The following PPM1E variants were observed in gnomAD, a reference collection of about 807,000 sequenced individuals.
PPM1E encodes protein phosphatase 1E.
A neutral mutation model predicts 65.9 loss-of-function variants in PPM1E; 20 were observed. The ratio of observed to expected loss-of-function variants is 0.30; its 90% CI spans 0.21 to 0.44. PPM1E has a LOEUF of 0.44. Among genes scored for constraint, PPM1E ranks in the 20% least tolerant of loss-of-function variants. PPM1E has a pLI of 1.00. For missense variants in PPM1E, 713 were observed against 953.1 expected (o/e 0.75, Z 3.32); for synonymous variants, 352 against 374.9 (o/e 0.94, Z 0.70).
intron 1 of PPM1E, among the ~76,000 whole-genome samples, chr17:58,914,781 C>G (rs532090959): frequency 6.6e-6 from 1 of 152,210 alleles, no homozygotes; most frequent in Non-Finnish European, 1.5e-5. Flanking sequence ...GACATCTTTG[C>G]CCACTTTACA....
rs137882118 is a variant in PPM1E at position 58,928,748 on chromosome 17, G to A, written c.465-26901G>A. Among the ~76,000 whole-genome samples, 421 of 151,344 alleles carry A rather than the reference G, an allele frequency of 2.8e-3. 1 individual carries two copies. Among genetic ancestry groups the A allele is most frequent in the African/African-American group, 9.9e-3 (407 of 41,144 alleles). On this transcript the variant is annotated intron_variant, in intron 1 of 6. Coordinates refer to ENST00000308249, the MANE Select transcript of PPM1E (RefSeq NM_014906.5). ...ACAGAGTTTTGCTCTTGTTGCCCGG[G>A]CTGGAGTACAGTGACGCGATCTCAG... is the stretch of plus-strand genomic sequence containing the variant.
chr17:58,771,621 CA>C lies in PPM1E; in HGVS notation c.464+15170del, dbSNP rs1230565491. On this transcript the variant is annotated intron_variant, in intron 1 of 6. Coordinates refer to ENST00000308249, the MANE Select transcript of PPM1E (RefSeq NM_014906.5). ...CTGGCAACAGAGTGAGACTCCATCT[CA>C]AAAAAAAAAGAAAAAGAAGAAGATA... is the stretch of plus-strand genomic sequence containing the variant. Among the ~76,000 whole-genome samples, 18 of 114,972 alleles carry C rather than the reference CA, an allele frequency of 1.6e-4. 1 individual carries two copies. The highest frequency in any genetic ancestry group is 4.8e-4 in the East Asian group (2 of 4,186). The allele number at this position is 114,972 out of a possible 152,430, so 75.4% of individuals were successfully genotyped here.
intron 1 of PPM1E, among the ~76,000 whole-genome samples, chr17:58,860,339 G>A (rs1453898107): frequency 6.6e-6 from 1 of 152,200 alleles, no homozygotes; most frequent in Non-Finnish European, 1.5e-5. Flanking sequence ...GAGCTAGCCA[G>A]TAAATACACA....
chr17:58,835,640 G>A (rs1053481766), intron 1 of PPM1E, among the ~76,000 whole-genome samples: 5 of 151,390 alleles, frequency 3.3e-5, no homozygotes, highest in Admixed American at 6.6e-5. Flanking sequence ...GCAATATAGT[G>A]AGACCTCTAT....
chr17:58,973,787 C>T (rs951321229), intron 6 of PPM1E, among the ~76,000 whole-genome samples: 17 of 151,820 alleles, frequency 1.1e-4, no homozygotes, highest in Non-Finnish European at 2.1e-4. Context: ...CCCGTCTCTA[C>T]TAAAAATATA....
intron 1 of PPM1E, among the ~76,000 whole-genome samples, chr17:58,824,252 A>T (rs1345332455): frequency 6.6e-6 from 1 of 152,142 alleles, no homozygotes; most frequent in Non-Finnish European, 1.5e-5. Context: ...TTTTTTTCTC[A>T]TAGAAAAAAT....
intron 1 of PPM1E, among the ~76,000 whole-genome samples, chr17:58,780,288 T>C (rs1180527442): frequency 2.0e-5 from 3 of 152,142 alleles, no homozygotes; most frequent in African/African-American, 7.2e-5. Context: ...GCAGGTAGAT[T>C]GCTTGAGCCC....
chr17:58,766,203 T>G (rs560818579), intron 1 of PPM1E, among the ~76,000 whole-genome samples: 37 of 126,144 alleles, frequency 2.9e-4, no homozygotes, highest in East Asian at 2.5e-3. Flanking sequence ...TCTGTTTTTT[T>G]TTTTTTTTTT....
At chr17:58,775,783 G>A (rs946214761) in intron 1 of PPM1E, among the ~76,000 whole-genome samples, 3 of 150,096 alleles carry the variant, frequency 2.0e-5, no homozygotes, top group Admixed American at 6.7e-5. Context: ...GCGCGGTGGC[G>A]GGCGCCTGTA....
intron 1 of PPM1E, among the ~76,000 whole-genome samples, chr17:58,942,261 C>T (rs2052083064): frequency 6.6e-6 from 1 of 151,940 alleles, no homozygotes; most frequent in African/African-American, 2.4e-5. Flanking sequence ...TGGCTTGCAC[C>T]TGTAGTCGTA....
intron 1 of PPM1E, among the ~76,000 whole-genome samples, chr17:58,932,190 C>A (rs112788592): frequency 1.3e-5 from 2 of 152,084 alleles, no homozygotes; most frequent in East Asian, 3.9e-4. Flanking sequence ...GCAGGAGGGC[C>A]GTGCGCGGTG....
In PPM1E at chr17:58,980,117, G is replaced by A. The variant is rs2031273925; in HGVS notation, c.1354G>A (p.Asp452Asn). 3 of 1,614,088 alleles carry A rather than the reference G, an allele frequency of 1.9e-6. No homozygotes were observed. The highest frequency in any genetic ancestry group is 2.5e-6 in the Non-Finnish European group (3 of 1,180,006). The part of the protein sequence containing the change: ...NPDEAVKVVS[D>N]HLKENNGDSS... ...TGATGAGGCAGTGAAAGTTGTGTCC[G>A]ACCACCTGAAAGAGAATAATGGAGA... Residue 452 changes from aspartate (D) to asparagine (N), a missense_variant, in exon 7 of 7, where the codon GAC becomes AAC. By Grantham distance (23) the Asp-to-Asn change is conservative (BLOSUM62 1). This residue lies in a region of PPM1E where 88 missense variants were observed against 231.1 expected (regional missense o/e 0.38). Coordinates refer to ENST00000308249, the MANE Select transcript of PPM1E (RefSeq NM_014906.5). The surrounding 1 kb of genome is among the most constrained non-coding windows in gnomAD (Gnocchi z 4.7).
intron 1 of PPM1E, among the ~76,000 whole-genome samples, chr17:58,789,006 C>T (rs995844465): frequency 6.6e-6 from 1 of 152,174 alleles, no homozygotes; most frequent in African/African-American, 2.4e-5. Context: ...AGTTACACTG[C>T]CTTCAGATCC....
intron 1 of PPM1E, among the ~76,000 whole-genome samples, chr17:58,913,469 C>A (rs575018080): frequency 6.6e-6 from 1 of 152,158 alleles, no homozygotes; most frequent in Non-Finnish European, 1.5e-5. Flanking sequence ...ATGGGTTCTT[C>A]TTGCCCACTG....
intron 1 of PPM1E, among the ~76,000 whole-genome samples, chr17:58,788,619 G>A (rs1480770470): frequency 2.0e-5 from 3 of 152,148 alleles, no homozygotes; most frequent in Non-Finnish European, 2.9e-5. Context: ...TGTTCAATTT[G>A]TTTCTGCTCC....
intron 1 of PPM1E, among the ~76,000 whole-genome samples, chr17:58,890,929 T>A (rs2051336987): frequency 6.6e-6 from 1 of 152,186 alleles, no homozygotes; most frequent in Admixed American, 6.5e-5. Flanking sequence ...GTATTCTTAG[T>A]ACTTAACACA....
At chr17:58,921,806 C>G (rs1189420845) in intron 1 of PPM1E, among the ~76,000 whole-genome samples, 1 of 150,652 alleles carries the variant, frequency 6.6e-6, no homozygotes, top group African/African-American at 2.4e-5. Context: ...TTTGGGAGGC[C>G]GAGGTGGGTG....
intron 1 of PPM1E, among the ~76,000 whole-genome samples, chr17:58,849,838 G>C (rs935749026): frequency 5.9e-5 from 9 of 152,120 alleles, no homozygotes; most frequent in African/African-American, 2.2e-4. Flanking sequence ...GGATATCCTT[G>C]TTAATTTCCT....
chr17:58,897,144 G>A (rs560256872), intron 1 of PPM1E, among the ~76,000 whole-genome samples: 2 of 152,230 alleles, frequency 1.3e-5, no homozygotes, highest in South Asian at 4.1e-4. Context: ...GCCGGGCGCG[G>A]TGGCTCACGC....
Sources: gnomAD v4.1 joint callset for allele counts (sites outside exome capture counted in the v4.1 genomes callset) on GRCh38, gnomAD v4.1.1 for gene constraint, gnomAD v4.1.1 regional missense constraint, Gnocchi (gnomAD v3.1) non-coding constraint, MANE v1.5 for transcripts, NCBI Gene and HGNC (gene_info 2026-07-23, HGNC 2026-07-21) for gene names.